Variants in CHID1 observed in about 807,000 individuals in gnomAD.
CHID1 encodes chitinase domain containing 1, also known as chitinase domain-containing protein 1.
Under a neutral mutation model 55.4 loss-of-function variants are expected in CHID1, and 44 were observed. The observed-to-expected ratio is 0.79, with a 90% CI of 0.62 to 1.02. CHID1 has a LOEUF of 1.02. Ranked by LOEUF, CHID1 falls within the 50% of genes least tolerant of loss-of-function variation. The pLI is 0.00. For missense variants in CHID1, 491 were observed against 515.3 expected (o/e 0.95, Z 0.46); for synonymous variants, 216 against 212.9 (o/e 1.01, Z -0.13).
chr11:910,697 C>T, intron 1 of CHID1, 78 bp downstream of exon 1: 1 of 1,261,174 alleles, frequency 7.9e-7, no homozygotes, highest in Non-Finnish European at 1.0e-6. Flanking sequence ...GCCTCGCTGC[C>T]CGGCGCGCCC....
chr11:871,471 C>T (rs1028654290), intron 10 of CHID1, among the ~76,000 whole-genome samples: 7 of 1,390 alleles, frequency 5.0e-3, no homozygotes, highest in Non-Finnish European at 7.6e-3. Context: ...TTCCAGGTCA[C>T]GGGGCCCTGA....
intron 5 of CHID1, 124 bp downstream of exon 5, chr11:900,812 C>A: frequency 1.3e-6 from 1 of 790,172 alleles, no homozygotes; most frequent in South Asian, 1.8e-5. Flanking sequence ...TCTGAGCGGT[C>A]AAAGTAACCT....
At chr11:891,393 A>G (rs1850808279) in intron 8 of CHID1, among the ~76,000 whole-genome samples, 1 of 152,154 alleles carries the variant, frequency 6.6e-6, no homozygotes, top group African/African-American at 2.4e-5. Context: ...CGCCATGCAA[A>G]TGGAGTTGTG....
chr11:870,270 C>T, intron 11 of CHID1, 107 bp from the exon 12 acceptor site: 1 of 1,478,174 alleles, frequency 6.8e-7, no homozygotes, highest in Admixed American at 1.7e-5. Flanking sequence ...CAGGTGGCCA[C>T]CTGCTGTCCA....
Position 883,311 on chromosome 11 carries a change from G to A in CHID1, c.804-8C>T. The A allele has an allele frequency of 6.2e-7, 1 of 1,604,050 alleles. No individual in the cohort carries two copies. ...GGTGCATTAGGGCCAGGCCTGCAGG[G>A]CAAGGGGTGAGCGAGTTTCAGCAAC... On this transcript the variant is annotated splice_region_variant and splice_polypyrimidine_tract_variant and intron_variant, in intron 9 of 12. Transcript: ENST00000323578.
At chr11:900,887 C>A in intron 5 of CHID1, 49 bp downstream of exon 5, 1 of 1,539,160 alleles carries the variant, frequency 6.5e-7, no homozygotes. Flanking sequence ...CCTGTCCACC[C>A]CCGCAGTTTG....
chr11:899,893 C>T lies in CHID1; in HGVS notation c.546+111G>A, dbSNP rs1197435290. 1.7e-5 allele frequency: 12 copies of T among 715,118 alleles called. No homozygotes were observed. The East Asian group carries it at 3.0e-4, about 18-fold the overall frequency. 44.3% of individuals were successfully genotyped at this position (715,118 alleles called of 1,614,324 possible). ...GATGGGGGCTGCACCAGAAGGTGCC[C>T]AGGGCAGAAGACAGAAAAGCCGAGT... On this transcript the variant is annotated intron_variant, in intron 6 of 12. Transcript: ENST00000323578.
chr11:876,106 G>A (rs953173850), intron 10 of CHID1, among the ~76,000 whole-genome samples: 2 of 152,184 alleles, frequency 1.3e-5, no homozygotes, highest in Non-Finnish European at 2.9e-5. Flanking sequence ...AGAGGGTGAG[G>A]AGAGGCGTCT....
chr11:900,238 G>A, intron 5 of CHID1, 128 bp from the exon 6 acceptor site: 1 of 683,594 alleles, frequency 1.5e-6, no homozygotes, highest in Non-Finnish European at 2.6e-6. Flanking sequence ...TGAGGGGCAG[G>A]GAGGCCACCT....
In CHID1 at chr11:869,756, G is replaced by C; in HGVS notation, c.*102C>G. ...GGACCCCCGACTGAGGACTGCAGCA[G>C]ACCCGTCACAGCAAACGGAGTGGAG... On this transcript the variant is annotated 3_prime_UTR_variant, in exon 13 of 13. Coordinates refer to ENST00000323578, the MANE Select transcript of CHID1 (RefSeq NM_023947.4). 9.6e-7 allele frequency: 1 copy of C among 1,041,046 alleles called. No homozygotes were observed. The highest frequency in any genetic ancestry group is 1.5e-6 in the Non-Finnish European group (1 of 672,006). 64.5% of individuals were successfully genotyped at this position (1,041,046 alleles called of 1,614,324 possible).
Position 884,227 on chromosome 11 carries a change from C to A in CHID1, c.702-58G>T. 4.2e-6 allele frequency: 6 copies of A among 1,419,676 alleles called. No homozygotes were observed. In the South Asian group the frequency reaches 7.1e-5, roughly 17 times the overall value. 87.9% of individuals were successfully genotyped at this position (1,419,676 alleles called of 1,614,324 possible). A position where few individuals can be genotyped will look rare whatever the true frequency, so the allele number is the denominator to read the frequency against. On this transcript the variant is annotated intron_variant, in intron 8 of 12. Coordinates refer to ENST00000323578, the MANE Select transcript of CHID1 (RefSeq NM_023947.4). Reference sequence around the variant, plus strand: ...CTATGCCCTGCCTGAAGCCCCTCCCCAGCTGCGGTTCGAGCAAGCTGCCTG... The same window carrying A: ...CTATGCCCTGCCTGAAGCCCCTCCCAAGCTGCGGTTCGAGCAAGCTGCCTG...
At chr11:904,947 A>G in intron 1 of CHID1, 88 bp from the exon 2 acceptor site, 2 of 1,430,532 alleles carry the variant, frequency 1.4e-6, no homozygotes, top group Non-Finnish European at 1.9e-6. Context: ...ACTTTCTCCT[A>G]ATAGGGCCTG....
upstream of CHID1, chr11:914,374 G>A (rs999969309): frequency 1.1e-5 from 5 of 462,250 alleles, no homozygotes; most frequent in Middle Eastern, 4.4e-4. Flanking sequence ...GACCTGCCCT[G>A]AGGCCCTCCT....
intron 10 of CHID1, among the ~76,000 whole-genome samples, chr11:882,143 G>A (rs1303564545): frequency 4.6e-5 from 7 of 152,112 alleles, no homozygotes; most frequent in Non-Finnish European, 8.8e-5. Context: ...TGGCTAATGC[G>A]GTGAAATCCC....
chr11:897,155 C>G (rs1307100508), intron 7 of CHID1, among the ~76,000 whole-genome samples: 6 of 111,458 alleles, frequency 5.4e-5, no homozygotes, highest in East Asian at 2.7e-4. Context: ...CCGACACGAG[C>G]CTGTCTCAGC....
rs767711694 is a variant in CHID1 at position 900,090 on chromosome 11, C to T, written c.460G>A (p.Asp154Asn). ...LHIVPRLLFE[D>N]WTYDDFRNVL... is the part of the protein sequence containing the mutation. ...TTCCGGAAATCATCGTAAGTCCAGT[C>T]CTCAAACAGGAGCCGAGGCACTGCA... Residue 154 changes from aspartate (D) to asparagine (N), a missense_variant, in exon 6 of 13, where the codon GAC (aspartate) becomes AAC (asparagine). Physicochemically the swap from Asp to Asn is conservative, Grantham distance 23. Coordinates refer to ENST00000323578, the MANE Select transcript of CHID1 (RefSeq NM_023947.4). 8.1e-6 allele frequency: 13 copies of T among 1,613,962 alleles called. No homozygotes were observed. Among genetic ancestry groups the T allele is most frequent in the Non-Finnish European group, 1.1e-5 (13 of 1,179,960 alleles).
chr11:891,613 T>C (rs971577800), intron 8 of CHID1, among the ~76,000 whole-genome samples: 33 of 152,324 alleles, frequency 2.2e-4, no homozygotes, highest in African/African-American at 7.2e-4. Context: ...AAGGGCAACC[T>C]GGGAGCCCCA....
intron 6 of CHID1, 146 bp from the exon 7 acceptor site, chr11:899,547 G>T: frequency 1.4e-6 from 1 of 708,690 alleles, no homozygotes; most frequent in Non-Finnish European, 2.4e-6. Context: ...TGTATGCCCA[G>T]AAGGGCCTGT....
Position 903,031 on chromosome 11 carries a change from A to G in CHID1, c.192T>C (p.His64=). The change falls in exon 3 of 13, where the codon CAT becomes CAC. Residue 64 remains histidine (H), a synonymous_variant. Transcript: ENST00000323578. ...DLKAESVVLE[H]RSYCSAKARD... The stretch of plus-strand genomic sequence containing the variant: ...GGGCCTTTGCCGAGCAGTAGCTGCG[A>G]TGCTCAAGAACCACACTCTCAGCTT... 4.3e-6 allele frequency: 7 copies of G among 1,614,008 alleles called. No homozygotes were observed. The highest frequency in any genetic ancestry group is 5.9e-6 in the Non-Finnish European group (7 of 1,180,026).
Sources: allele counts gnomAD v4.1 joint callset (sites outside exome capture counted in the v4.1 genomes callset), GRCh38; gene constraint gnomAD v4.1.1; transcripts MANE v1.5; gene names NCBI Gene and HGNC (gene_info 2026-07-23, HGNC 2026-07-21).